Variants in LRRK1 observed in about 807,000 individuals in gnomAD.
LRRK1 encodes leucine-rich repeat serine/threonine-protein kinase 1.
LRRK1 carries 113 observed loss-of-function variants against 209.1 expected under a neutral mutation model. The observed-to-expected ratio is 0.54, with a 90% CI of 0.46 to 0.63. LRRK1 has a LOEUF of 0.63. Among genes scored for constraint, LRRK1 ranks in the 30% least tolerant of loss-of-function variants. The pLI is 0.00. For missense variants in LRRK1, 2,284 were observed against 2,632.2 expected, an observed-to-expected ratio of 0.87 and a Z score of 2.89; for synonymous variants, 1,144 against 1,099.7, an observed-to-expected ratio of 1.04 and a Z score of -0.80.
Position 100,973,131 on chromosome 15 carries a change from C to T in LRRK1, c.98-673C>T, listed in dbSNP as rs893497913. ...GCCGTGGCCGCCCCGTGAGTGACCG[C>T]CGCTTTTGCTGAACGGCCCGGGCGC... On this transcript the variant is annotated intron_variant, in intron 2 of 33. Transcript: ENST00000388948. Among the ~76,000 whole-genome samples the T allele has an allele frequency of 3.3e-5, 5 of 152,340 alleles. No homozygotes were observed. The South Asian group carries it at 8.3e-4, about 25-fold the overall frequency.
chr15:101,019,050 T>C (rs1397567275), intron 12 of LRRK1, among the ~76,000 whole-genome samples: 1 of 151,860 alleles, frequency 6.6e-6, no homozygotes, highest in African/African-American at 2.4e-5. Flanking sequence ...ACCAGCAGAG[T>C]CATAAATAAC....
At chr15:100,975,714 AC>A (rs766819157) in intron 3 of LRRK1, among the ~76,000 whole-genome samples, 31 of 152,392 alleles carry the variant, frequency 2.0e-4, no homozygotes, top group Non-Finnish European at 4.0e-4. Flanking sequence ...TATGGCTAAT[AC>A]CCTTCATTGA....
chr15:101,040,546 C>T (rs1295124934), intron 20 of LRRK1, among the ~76,000 whole-genome samples: 2 of 151,964 alleles, frequency 1.3e-5, no homozygotes, highest in African/African-American at 4.8e-5. Context: ...TATTGTCTTC[C>T]TTCAGCTAAC....
rs1567191134 is a variant in LRRK1, at chr15:100,941,440, G to GTCTT, written c.97+16712_97+16713insCTTT. Reference sequence around the variant, plus strand: ...TGTGTGTGTGTGTCTGTGTGTGTGTGTGTGTCTGTGTGTGTCTATGTCTCT... The same window carrying GTCTT: ...TGTGTGTGTGTGTCTGTGTGTGTGTGTCTTTGTGTCTGTGTGTGTCTATGTCTCT... On this transcript the variant is annotated intron_variant, in intron 2 of 33. Coordinates refer to ENST00000388948, the MANE Select transcript of LRRK1 (RefSeq NM_024652.6). 2.4e-4 allele frequency among the ~76,000 whole-genome samples: 34 copies of GTCTT among 138,920 alleles called. 1 individual carries two copies. The highest frequency in any genetic ancestry group is 4.1e-4 in the East Asian group (2 of 4,928). The allele number at this position is 138,920 out of a possible 152,430, so 91.1% of individuals were successfully genotyped here.
At chr15:101,057,946 G>T in intron 28 of LRRK1, 44 bp from the exon 29 acceptor site, 1 of 1,609,268 alleles carries the variant, frequency 6.2e-7, no homozygotes, top group Non-Finnish European at 8.5e-7. Flanking sequence ...CACCAATCCG[G>T]TTGTAAGTGA....
intron 3 of LRRK1, among the ~76,000 whole-genome samples, chr15:100,976,109 T>A (rs369047540): frequency 7.2e-5 from 11 of 152,062 alleles, no homozygotes; most frequent in African/African-American, 2.2e-4. Context: ...AAAAGAAAAA[T>A]TTAACTTTAA....
intron 2 of LRRK1, among the ~76,000 whole-genome samples, chr15:100,939,191 G>C (rs754452082): frequency 6.6e-6 from 1 of 152,234 alleles, no homozygotes; most frequent in Non-Finnish European, 1.5e-5. Context: ...GGGCAGGTTT[G>C]TTGAGTCAGT....
rs548841475 is a variant in LRRK1, at chr15:100,945,821, G to A, written c.97+21092G>A. On this transcript the variant is annotated intron_variant, in intron 2 of 33. Coordinates refer to ENST00000388948, the MANE Select transcript of LRRK1 (RefSeq NM_024652.6). ...ATATTCTTTATTAATCAATTTTTGAGGAACTCTGATTTTCCTTATCAATTT... is the reference window on the plus strand; with the variant it reads ...ATATTCTTTATTAATCAATTTTTGAAGAACTCTGATTTTCCTTATCAATTT... Among the ~76,000 whole-genome samples the A allele has an allele frequency of 7.2e-5, 11 of 152,180 alleles. No homozygotes were observed. In the East Asian group the frequency reaches 2.1e-3, roughly 29 times the overall value.
chr15:101,017,399 G>A (rs985724240), intron 12 of LRRK1, among the ~76,000 whole-genome samples: 1 of 152,134 alleles, frequency 6.6e-6, no homozygotes, highest in African/African-American at 2.4e-5. Flanking sequence ...AGATAAAAGA[G>A]TCCAAAAATA....
chr15:100,959,913 G>A (rs181804143), intron 2 of LRRK1, among the ~76,000 whole-genome samples: 26 of 152,048 alleles, frequency 1.7e-4, no homozygotes, highest in Non-Finnish European at 3.4e-4. Context: ...GAAAACTCTC[G>A]GTGCCTCATC....
chr15:100,955,966 T>G (rs190969146), intron 2 of LRRK1, among the ~76,000 whole-genome samples: 109 of 152,326 alleles, frequency 7.2e-4, no homozygotes, highest in African/African-American at 2.4e-3. Flanking sequence ...TATGGTGTTT[T>G]TATCTGGCTG....
chr15:100,963,651 G>T (rs1445356121), intron 2 of LRRK1, among the ~76,000 whole-genome samples: 1 of 152,196 alleles, frequency 6.6e-6, no homozygotes, highest in African/African-American at 2.4e-5. Context: ...GTCTTTTAGT[G>T]TGCACCGTGT....
At chr15:100,964,901 A>G (rs1395940421) in intron 2 of LRRK1, among the ~76,000 whole-genome samples, 3 of 151,976 alleles carry the variant, frequency 2.0e-5, no homozygotes, top group Admixed American at 6.6e-5. Flanking sequence ...ATTTGTAGGG[A>G]AAAAAAACAG....
rs2033481081 is a variant in LRRK1, at chr15:101,015,324, A to G, written c.1533-2A>G. ...AATTTTGTCTCTTTTTCCTCCCCCC[A>G]GAAATGAAGATGGACTGAAAACGAA... On this transcript the variant is annotated splice_acceptor_variant, in intron 11 of 33. Coordinates refer to ENST00000388948, the MANE Select transcript of LRRK1 (RefSeq NM_024652.6). LOFTEE classifies it high-confidence loss of function. 6.2e-7 allele frequency: 1 copy of G among 1,613,446 alleles called. No individual in the cohort carries two copies. Among genetic ancestry groups the G allele is most frequent in the Non-Finnish European group, 8.5e-7 (1 of 1,179,480 alleles).
In LRRK1 at chr15:101,062,638, T is replaced by G. The variant is rs1567285251; in HGVS notation, c.4862T>G (p.Leu1621Trp). 1 of 1,614,132 alleles carries G rather than the reference T, an allele frequency of 6.2e-7. No homozygotes were observed. The highest frequency in any genetic ancestry group is 8.5e-7 in the Non-Finnish European group (1 of 1,179,966). The change falls in exon 31 of 34, where the codon TTG becomes TGG. Residue 1621 changes from leucine to tryptophan, a missense_variant. Physicochemically the swap from Leu to Trp is moderately conservative, Grantham distance 61. Coordinates refer to ENST00000388948, the MANE Select transcript of LRRK1 (RefSeq NM_024652.6). ...CCCTTAAACACACCCCAACAGGCCT[T>G]GGATACTCCAGCTGTCGTCACCTGC... ...MCPLNTPQQA[L>W]DTPAVVTCFL...
chr15:101,006,440 A>C (rs2032963149), intron 6 of LRRK1, among the ~76,000 whole-genome samples: 1 of 151,502 alleles, frequency 6.6e-6, no homozygotes, highest in African/African-American at 2.5e-5. Flanking sequence ...AAAGAAAAGT[A>C]AAGAAACATA....
chr15:100,949,835 A>G (rs80309444), intron 2 of LRRK1, among the ~76,000 whole-genome samples: 7,511 of 152,194 alleles, frequency 0.049, 363 homozygotes, highest in African/African-American at 0.13. Flanking sequence ...AACACTCAGT[A>G]AACTAGTAAT....
At chr15:101,012,363 T>C (rs1199770752) in intron 10 of LRRK1, among the ~76,000 whole-genome samples, 1 of 152,198 alleles carries the variant, frequency 6.6e-6, no homozygotes, top group Non-Finnish European at 1.5e-5. Flanking sequence ...GGTGGGGTTA[T>C]GGTTCGTATC....
chr15:100,919,538 G>T lies in LRRK1; in HGVS notation c.-123+87G>T, dbSNP rs1255983465. On this transcript the variant is annotated intron_variant, in intron 1 of 33. Transcript: ENST00000388948. The surrounding 1 kb of genome is among the most constrained non-coding windows in gnomAD (Gnocchi z 5.8). ...AACCCAGAGCCCGCGCCCGGCGCCC[G>T]CGGGGAGCCTCGGCCTCTGCCTGCC... 1 of 147,134 alleles carries T rather than the reference G, an allele frequency of 6.8e-6. No individual in the cohort carries two copies. The highest frequency in any genetic ancestry group is 1.5e-5 in the Non-Finnish European group (1 of 66,090). 9.1% of individuals were successfully genotyped at this position (147,134 alleles called of 1,614,324 possible). A position where few individuals can be genotyped will look rare whatever the true frequency, so the allele number is the denominator to read the frequency against.
Sources: allele counts gnomAD v4.1 joint callset (sites outside exome capture counted in the v4.1 genomes callset), GRCh38; gene constraint gnomAD v4.1.1; non-coding constraint Gnocchi (gnomAD v3.1); transcripts MANE v1.5; gene names NCBI Gene and HGNC (gene_info 2026-07-23, HGNC 2026-07-21).